The following KCNC2 variants were observed in gnomAD, a reference collection of about 807,000 sequenced individuals.
KCNC2 encodes the protein potassium voltage-gated channel subfamily C member 2, also known as voltage-gated potassium channel KCNC2.
KCNC2 carries 21 observed loss-of-function variants against 44.5 expected under a neutral mutation model. The observed-to-expected ratio is 0.47, with a 90% CI of 0.33 to 0.68. The LOEUF (loss-of-function observed/expected upper bound fraction) is 0.68. Ranked by LOEUF, KCNC2 falls within the 30% of genes least tolerant of loss-of-function variation. The pLI, the probability that KCNC2 is intolerant of heterozygous loss-of-function variation, is 0.01. For missense variants in KCNC2, 589 were observed against 826.2 expected, an observed-to-expected ratio of 0.71 and a Z score of 3.52; for synonymous variants, 391 against 339.1, an observed-to-expected ratio of 1.15 and a Z score of -1.68.
chr12:75,188,861 CAATAAATAAATAAATAAATAAATA>C (rs10608827), intron 2 of KCNC2, among the ~76,000 whole-genome samples: 3 of 142,494 alleles, frequency 2.1e-5, no homozygotes, highest in Non-Finnish European at 3.1e-5. Context: ...GACTCCATCT[CAATAAATAAATAAATAAATAAATA>C]AATAAATAAA....
intron 2 of KCNC2, among the ~76,000 whole-genome samples, chr12:75,126,152 A>G (rs1413408558): frequency 2.0e-5 from 3 of 152,186 alleles, no homozygotes; most frequent in Non-Finnish European, 4.4e-5. Context: ...AGCAGTAAAC[A>G]AATTTGTCTT....
At chr12:75,148,201 C>T (rs994476481) in intron 2 of KCNC2, among the ~76,000 whole-genome samples, 2 of 152,064 alleles carry the variant, frequency 1.3e-5, no homozygotes, top group African/African-American at 2.4e-5. Flanking sequence ...AAAGACAGCA[C>T]TATGTCCTCC....
chr12:75,098,871 G>A (rs1703450684), intron 2 of KCNC2, among the ~76,000 whole-genome samples: 1 of 152,072 alleles, frequency 6.6e-6, no homozygotes, highest in Admixed American at 6.6e-5. Flanking sequence ...AAAGGACTCA[G>A]GAACATCACA....
chr12:75,150,194 C>A (rs569915405), intron 2 of KCNC2, among the ~76,000 whole-genome samples: 88 of 151,894 alleles, frequency 5.8e-4, no homozygotes, highest in Admixed American at 3.0e-3. Context: ...ATTCAGAAAC[C>A]TATTTATTCT....
intron 2 of KCNC2, among the ~76,000 whole-genome samples, chr12:75,165,146 A>G (rs17114762): frequency 0.029 from 4,387 of 151,776 alleles, 112 homozygotes; most frequent in East Asian, 0.097. Context: ...GGCAATTTTT[A>G]TTTTAGAGTA....
rs1042760728 is a variant in KCNC2 at position 75,181,186 on chromosome 12, T to C, written c.687+26111A>G. 4.6e-5 allele frequency among the ~76,000 whole-genome samples: 7 copies of C among 152,236 alleles called. No homozygotes were observed. In the East Asian group the frequency reaches 1.2e-3, roughly 25 times the overall value. ...TCATTTAAAATGCAACTTAGTTAGA[T>C]TCCAGGTACAAGGTTGAGAACTTCG... On this transcript the variant is annotated intron_variant, in intron 2 of 4. Coordinates refer to ENST00000549446, the MANE Select transcript of KCNC2 (RefSeq NM_139137.4).
intron 2 of KCNC2, among the ~76,000 whole-genome samples, chr12:75,141,830 C>T (rs545458287): frequency 2.0e-5 from 3 of 152,246 alleles, no homozygotes; most frequent in Non-Finnish European, 4.4e-5. Context: ...CATCATCTAA[C>T]GTCATTCAAA....
intron 2 of KCNC2, among the ~76,000 whole-genome samples, chr12:75,176,873 A>G (rs1351065649): frequency 6.6e-6 from 1 of 151,906 alleles, no homozygotes; most frequent in Non-Finnish European, 1.5e-5. Context: ...GTATTTTCAA[A>G]TATGCTCTTA....
At chr12:75,174,884 A>G (rs1277054188) in intron 2 of KCNC2, among the ~76,000 whole-genome samples, 2 of 151,974 alleles carry the variant, frequency 1.3e-5, no homozygotes, top group Non-Finnish European at 2.9e-5. Flanking sequence ...TATTTATCTG[A>G]CATGGTTGAA....
intron 2 of KCNC2, among the ~76,000 whole-genome samples, chr12:75,064,727 T>TA (rs1472407821): frequency 6.6e-6 from 1 of 152,062 alleles, no homozygotes; most frequent in East Asian, 1.9e-4. Context: ...GTCATTATGC[T>TA]AAAAAAGGTC....
intron 2 of KCNC2, among the ~76,000 whole-genome samples, chr12:75,143,283 C>G (rs1434074813): frequency 6.6e-6 from 1 of 152,116 alleles, no homozygotes; most frequent in African/African-American, 2.4e-5. Context: ...AACTTATTTC[C>G]TACCTATTCT....
At position 75,041,844 on chromosome 12, in the gene KCNC2, A is replaced by G; in HGVS notation, c.*1261T>C. 1.0e-6 allele frequency: 1 copy of G among 988,118 alleles called. No individual in the cohort carries two copies. Among genetic ancestry groups the G allele is most frequent in the Non-Finnish European group, 1.2e-6 (1 of 832,240 alleles). The allele number at this position is 988,118 out of a possible 1,614,324, so 61.2% of individuals were successfully genotyped here. A position where few individuals can be genotyped will look rare whatever the true frequency, so the allele number is the denominator to read the frequency against. On this transcript the variant is annotated 3_prime_UTR_variant, in exon 5 of 5. Transcript: ENST00000549446. ...ACACAAAGCAGAGAGGCTGCTCCAA[A>G]TAGCAAAAAATGGTATGGAGTCGGG...
chr12:75,127,074 G>A (rs1200413793), intron 2 of KCNC2, among the ~76,000 whole-genome samples: 2 of 152,158 alleles, frequency 1.3e-5, no homozygotes, highest in African/African-American at 4.8e-5. Context: ...GTTTGTCTCA[G>A]TTAGTGTTTT....
chr12:75,194,490 G>A (rs1280869749), intron 2 of KCNC2, among the ~76,000 whole-genome samples: 4 of 152,206 alleles, frequency 2.6e-5, no homozygotes, highest in Non-Finnish European at 5.9e-5. Context: ...GACGATAGGT[G>A]TCTGTTGTCT....
At chr12:75,141,807 A>G (rs1889674152) in intron 2 of KCNC2, among the ~76,000 whole-genome samples, 1 of 152,202 alleles carries the variant, frequency 6.6e-6, no homozygotes, top group Admixed American at 6.5e-5. Context: ...AAAAAATTTT[A>G]CATGCTTTGA....
intron 2 of KCNC2, among the ~76,000 whole-genome samples, chr12:75,133,769 T>C (rs1470376544): frequency 1.3e-5 from 2 of 152,020 alleles, no homozygotes; most frequent in Non-Finnish European, 2.9e-5. Context: ...AATTCATTCT[T>C]TGATGAGATG....
intron 2 of KCNC2, among the ~76,000 whole-genome samples, chr12:75,160,239 G>C (rs1891032428): frequency 6.6e-6 from 1 of 151,800 alleles, no homozygotes; most frequent in Admixed American, 6.6e-5. Flanking sequence ...ACAGAGGAAA[G>C]ACCCTGTGAG....
intron 2 of KCNC2, among the ~76,000 whole-genome samples, chr12:75,178,613 A>C (rs775585433): frequency 1.3e-5 from 2 of 152,048 alleles, no homozygotes; most frequent in Non-Finnish European, 2.9e-5. Flanking sequence ...AACTACAACT[A>C]TTCAGATCCT....
intron 2 of KCNC2, among the ~76,000 whole-genome samples, chr12:75,125,817 A>G (rs1210530443): frequency 2.0e-5 from 3 of 152,136 alleles, no homozygotes; most frequent in Non-Finnish European, 4.4e-5. Context: ...AGATTACTGG[A>G]TCACACCTTC....
Sources: gnomAD v4.1 joint callset for allele counts (sites outside exome capture counted in the v4.1 genomes callset) on GRCh38, gnomAD v4.1.1 for gene constraint, MANE v1.5 for transcripts, NCBI Gene and HGNC (gene_info 2026-07-23, HGNC 2026-07-21) for gene names.